Variants in SHISA9 observed in about 807,000 individuals in gnomAD.
SHISA9 encodes the protein shisa family member 9, also known as protein shisa-9.
In SHISA9, 13 loss-of-function variants were observed where a neutral mutation model predicts 38.0. The observed-to-expected ratio is 0.34, with a 90% CI of 0.22 to 0.54. The LOEUF (loss-of-function observed/expected upper bound fraction) is 0.54. Among genes scored for constraint, SHISA9 ranks in the 20% least tolerant of loss-of-function variants. The probability of loss-of-function intolerance (pLI) is 0.91; values close to 1 mark genes in which losing one functional copy is unlikely to be tolerated. For missense variants in SHISA9, 538 were observed against 575.8 expected, an observed-to-expected ratio of 0.93 and a Z score of 0.67; for synonymous variants, 275 against 242.0, an observed-to-expected ratio of 1.14 and a Z score of -1.27.
chr16:13,145,263 G>A (rs919171451), intron 2 of SHISA9, among the ~76,000 whole-genome samples: 19 of 152,154 alleles, frequency 1.2e-4, no homozygotes, highest in African/African-American at 3.9e-4. Flanking sequence ...GGTGGCTCAC[G>A]CCTGTAATCC....
chr16:13,294,888 T>C, the SHISA9 span, among the ~76,000 whole-genome samples: 1 of 152,196 alleles, frequency 6.6e-6, no homozygotes, highest in Non-Finnish European at 1.5e-5. Flanking sequence ...CCAGAGTTAA[T>C]AGCCAACATA....
chr16:13,483,097 T>C, the SHISA9 span, among the ~76,000 whole-genome samples: 1 of 152,176 alleles, frequency 6.6e-6, no homozygotes. Context: ...TCAAACCCCA[T>C]CACAGACACA....
At chr16:13,272,871 A>AT in the SHISA9 span, among the ~76,000 whole-genome samples, 10 of 152,100 alleles carry the variant, frequency 6.6e-5, no homozygotes, top group South Asian at 2.1e-4. Context: ...TATTGAACAG[A>AT]TTTTTTTTAT....
At chr16:12,998,639 C>A (rs1327375744) in intron 2 of SHISA9, among the ~76,000 whole-genome samples, 1 of 152,144 alleles carries the variant, frequency 6.6e-6, no homozygotes, top group Non-Finnish European at 1.5e-5. Flanking sequence ...AAGCGATCCT[C>A]CCACCTCGGT....
chr16:13,474,160 G>T, the SHISA9 span: 4 of 152,154 alleles, frequency 2.6e-5, no homozygotes, highest in African/African-American at 9.7e-5. Flanking sequence ...TCTGTTACTT[G>T]CAGCTGAGCA....
At chr16:13,380,897 C>T in the SHISA9 span, among the ~76,000 whole-genome samples, 20 of 151,152 alleles carry the variant, frequency 1.3e-4, no homozygotes, top group East Asian at 3.3e-3. Context: ...GTTCAACTCC[C>T]GCATGAGTGA....
At chr16:13,415,369 G>C in the SHISA9 span, among the ~76,000 whole-genome samples, 1 of 152,192 alleles carries the variant, frequency 6.6e-6, no homozygotes, top group Admixed American at 6.5e-5. Flanking sequence ...TCACTTTTAA[G>C]TGGGAGCTAA....
At chr16:13,495,030 T>C in the SHISA9 span, among the ~76,000 whole-genome samples, 1 of 152,186 alleles carries the variant, frequency 6.6e-6, no homozygotes, top group Non-Finnish European at 1.5e-5. Context: ...ACGACAAAGC[T>C]ATACAGAGGA....
rs1354699158 is a variant in SHISA9 at position 13,120,933 on chromosome 16, G to C, written c.692-82461G>C. ...AGCTACTCAGCTGCCAAGGGAGAGA[G>C]CTGTGATTCTGTTCATATCAGCTTG... On this transcript the variant is annotated intron_variant, in intron 2 of 4. Coordinates refer to ENST00000558583, the MANE Select transcript of SHISA9 (RefSeq NM_001145204.3). Among the ~76,000 whole-genome samples, 8 of 152,104 alleles carry C rather than the reference G, an allele frequency of 5.3e-5. No individual in the cohort carries two copies. In the South Asian group the frequency reaches 1.7e-3, roughly 32 times the overall value.
intron 2 of SHISA9, among the ~76,000 whole-genome samples, chr16:13,106,602 C>A (rs2073927382): frequency 6.6e-6 from 1 of 152,100 alleles, no homozygotes; most frequent in African/African-American, 2.4e-5. Context: ...ACCTTAATCT[C>A]CAGCTCCAAG....
intron 2 of SHISA9, among the ~76,000 whole-genome samples, chr16:13,186,241 G>A (rs1222974375): frequency 6.8e-6 from 1 of 146,356 alleles, no homozygotes; most frequent in Non-Finnish European, 1.5e-5. Flanking sequence ...GTGTGTGTAT[G>A]TGTGAAATTG....
At chr16:13,025,267 C>G (rs1336274168) in intron 2 of SHISA9, among the ~76,000 whole-genome samples, 1 of 152,162 alleles carries the variant, frequency 6.6e-6, no homozygotes, top group Non-Finnish European at 1.5e-5. Context: ...GTTTCTTAGA[C>G]CAGCAACGAC....
intron 2 of SHISA9, among the ~76,000 whole-genome samples, chr16:12,933,184 C>G (rs1862006833): frequency 1.3e-5 from 2 of 152,046 alleles, no homozygotes; most frequent in African/African-American, 4.8e-5. Context: ...AACTTTTATT[C>G]TTTTATATTC....
chr16:13,546,277 C>A, the SHISA9 span, among the ~76,000 whole-genome samples: 1 of 152,178 alleles, frequency 6.6e-6, no homozygotes, highest in Admixed American at 6.5e-5. Context: ...TTCTTCCCAC[C>A]CTTCCATTTC....
chr16:13,441,699 A>G, the SHISA9 span, among the ~76,000 whole-genome samples: 1 of 152,302 alleles, frequency 6.6e-6, no homozygotes. Flanking sequence ...TAAGTCTTCA[A>G]TGAACCCTAT....
chr16:13,203,149 G>C (rs762392676), intron 2 of SHISA9: 1 of 361,136 alleles, frequency 2.8e-6, no homozygotes, highest in African/African-American at 2.1e-5. Flanking sequence ...TAACATGTTA[G>C]TTTAACATGT....
At chr16:13,445,579 T>G in the SHISA9 span, among the ~76,000 whole-genome samples, 1 of 152,228 alleles carries the variant, frequency 6.6e-6, no homozygotes, top group African/African-American at 2.4e-5. Context: ...CACTACCCTT[T>G]CCTTTGAAAT....
chr16:13,536,061 C>T, the SHISA9 span, among the ~76,000 whole-genome samples: 1 of 151,358 alleles, frequency 6.6e-6, no homozygotes, highest in Non-Finnish European at 1.5e-5. Context: ...TTCAATGGCA[C>T]GGTCTCGGCT....
chr16:13,550,903 C>CAAAA, the SHISA9 span, among the ~76,000 whole-genome samples: 1 of 152,134 alleles, frequency 6.6e-6, no homozygotes, highest in East Asian at 1.9e-4. Flanking sequence ...GTGGGCGGAT[C>CAAAA]AAAAGGTCAG....
Sources: gnomAD v4.1 joint callset for allele counts (sites outside exome capture counted in the v4.1 genomes callset) on GRCh38, gnomAD v4.1.1 for gene constraint, MANE v1.5 for transcripts, NCBI Gene and HGNC (gene_info 2026-07-23, HGNC 2026-07-21) for gene names.